LDHC: variants seen among roughly 807,000 people sequenced by gnomAD.
The protein encoded by LDHC is L-lactate dehydrogenase C chain.
Under a neutral mutation model 30.2 loss-of-function variants are expected in LDHC, and 20 were observed. That is an observed-to-expected ratio of 0.66 (90% CI 0.47 to 0.96). The LOEUF is 0.96. Among genes scored for constraint, LDHC ranks in the 40% least tolerant of loss-of-function variants. LDHC has a pLI of 0.00. For missense variants in LDHC, 362 were observed against 394.9 expected, an observed-to-expected ratio of 0.92 and a Z score of 0.71; for synonymous variants, 139 against 132.7, an observed-to-expected ratio of 1.05 and a Z score of -0.32.
At chr11:18,412,915 CA>C in intron 2 of LDHC, 72 bp downstream of exon 2, 1 of 1,462,656 alleles carries the variant, frequency 6.8e-7, no homozygotes, top group Non-Finnish European at 9.3e-7. Context: ...TCGATGTATT[CA>C]GGGTTGCAAG....
rs71047596 is a variant in LDHC at position 18,439,811 on chromosome 11, TAA to T, written c.710+1190_710+1191del. On this transcript the variant is annotated intron_variant, in intron 6 of 7. Transcript: ENST00000541669. ...CCAACATGGTGAAAACCGTCTCTACTAAAAAAAAAAAAAAAAAAAAAAAAACA... is the reference window on the plus strand; with the variant it reads ...CCAACATGGTGAAAACCGTCTCTACTAAAAAAAAAAAAAAAAAAAAAAACA... Among the ~76,000 whole-genome samples, 11 of 64,202 alleles carry T rather than the reference TAA, an allele frequency of 1.7e-4. No homozygotes were observed. The East Asian group carries it at 3.8e-3, about 22-fold the overall frequency. 42.1% of individuals were successfully genotyped at this position (64,202 alleles called of 152,430 possible). A position where few individuals can be genotyped will look rare whatever the true frequency, so the allele number is the denominator to read the frequency against.
At chr11:18,436,916 CA>C (rs1438411889) in intron 5 of LDHC, among the ~76,000 whole-genome samples, 1 of 151,058 alleles carries the variant, frequency 6.6e-6, no homozygotes, top group Non-Finnish European at 1.5e-5. Context: ...TTATATCCCC[CA>C]AACTAGTTAT....
chr11:18,444,490 T>TTGTCATCAAAAGTATTGCATGGCCTCTG, intron 6 of LDHC, among the ~76,000 whole-genome samples: 1 of 151,466 alleles, frequency 6.6e-6, no homozygotes, highest in Non-Finnish European at 1.5e-5. Flanking sequence ...AAAAGTACTT[T>TTGTCATCAAAAGTATTGCATGGCCTCTG]TGTCATCAAA....
chr11:18,432,562 T>C (rs1346744979), intron 4 of LDHC, among the ~76,000 whole-genome samples: 1 of 147,922 alleles, frequency 6.8e-6, no homozygotes, highest in Non-Finnish European at 1.5e-5. Flanking sequence ...CAGCGGAGTA[T>C]TGAAGTCCCC....
At position 18,434,918 on chromosome 11, in the gene LDHC, G is replaced by A; in HGVS notation, c.592+5G>A. ...GAGAACATGGTGATTCTAGTGGTAA[G>A]TATAAATCTATTATTATTACGTGAC... On this transcript the variant is annotated splice_donor_5th_base_variant and intron_variant, in intron 5 of 7. Transcript: ENST00000541669. 6.3e-7 allele frequency: 1 copy of A among 1,596,328 alleles called. No individual in the cohort carries two copies. Among genetic ancestry groups the A allele is most frequent in the Non-Finnish European group, 8.6e-7 (1 of 1,165,270 alleles).
intron 6 of LDHC, among the ~76,000 whole-genome samples, chr11:18,443,005 T>C (rs1010463181): frequency 6.6e-6 from 1 of 152,192 alleles, no homozygotes; most frequent in African/African-American, 2.4e-5. Flanking sequence ...ATCACATCAA[T>C]TGAAAGTTTT....
At position 18,418,573 on chromosome 11, in the gene LDHC, G is replaced by A. The variant is rs139139363; in HGVS notation, c.244+3272G>A. On this transcript the variant is annotated intron_variant, in intron 3 of 7. Coordinates refer to ENST00000541669, the MANE Select transcript of LDHC (RefSeq NM_017448.5). ...GCCTCCCAAGCAGCTGGGATTACAG[G>A]TGCATACCACCATGCCCAGCTAATT... Among the ~76,000 whole-genome samples, 720 of 151,882 alleles carry A rather than the reference G, an allele frequency of 4.7e-3. 3 individuals are homozygous for A. The highest frequency in any genetic ancestry group is 0.02 in the Middle Eastern group (6 of 294).
rs1457467265 is a variant in LDHC, at chr11:18,438,585, A to T, written c.650A>T (p.Lys217Ile). Residue 217 changes from lysine to isoleucine, a missense_variant, in exon 6 of 8, where the codon AAA becomes ATA. Lys to Ile is a moderately radical substitution (Grantham distance 102). Transcript: ENST00000541669. ...GTTGCTCTGAAGACTCTGGACCCTA[A>T]ATTAGGAACGGATTCAGATAAGGAA... ...AGVALKTLDP[K>I]LGTDSDKEHW... 6.2e-7 allele frequency: 1 copy of T among 1,613,374 alleles called. No individual in the cohort carries two copies. Among genetic ancestry groups the T allele is most frequent in the Non-Finnish European group, 8.5e-7 (1 of 1,179,468 alleles).
rs772057285 is a variant in LDHC, at chr11:18,415,323, T to G, written c.244+22T>G. ...AAAGGTTAATTTTAGTTTTATAAAG[T>G]TATTTTCAAAGCTTTTTAAAAAAGT... On this transcript the variant is annotated intron_variant, in intron 3 of 7. Transcript: ENST00000541669. The G allele has an allele frequency of 1.9e-5, 24 of 1,235,804 alleles. No individual in the cohort carries two copies. The South Asian group carries it at 3.0e-4, about 15-fold the overall frequency. The allele number at this position is 1,235,804 out of a possible 1,614,324, so 76.6% of individuals were successfully genotyped here.
In LDHC at chr11:18,424,374, T is replaced by G. The variant is rs532412059; in HGVS notation, c.245-5363T>G. Among the ~76,000 whole-genome samples the G allele has an allele frequency of 2.5e-4, 38 of 149,366 alleles. No homozygotes were observed. In the South Asian group the frequency reaches 7.9e-3, roughly 31 times the overall value. On this transcript the variant is annotated intron_variant, in intron 3 of 7. Transcript: ENST00000541669. ...TCCAGCCTGGGCCATGGAATGAAACTCTGTCTCAAAAAAAAACAAAAAAAC... is the reference window on the plus strand; with the variant it reads ...TCCAGCCTGGGCCATGGAATGAAACGCTGTCTCAAAAAAAAACAAAAAAAC...
At chr11:18,449,988 G>A (rs902610692) in intron 7 of LDHC, 18 of 151,590 alleles carry the variant, frequency 1.2e-4, no homozygotes, top group Admixed American at 9.2e-4. Flanking sequence ...AAAGAGAGGG[G>A]TAAAGAGTGA....
At chr11:18,433,856 G>A (rs535416206) in intron 4 of LDHC, among the ~76,000 whole-genome samples, 23 of 152,198 alleles carry the variant, frequency 1.5e-4, no homozygotes, top group African/African-American at 5.3e-4. Context: ...TAGCAAGGCC[G>A]GGGAATTTTT....
At chr11:18,446,365 C>G (rs1457603863) in intron 7 of LDHC, 32 bp downstream of exon 7, 1 of 1,504,392 alleles carries the variant, frequency 6.6e-7, no homozygotes, top group South Asian at 1.1e-5. Flanking sequence ...ATTTATCATT[C>G]TTTCCTTTAA....
intron 5 of LDHC, among the ~76,000 whole-genome samples, chr11:18,437,394 T>G (rs1230524699): frequency 6.6e-6 from 1 of 152,238 alleles, no homozygotes; most frequent in East Asian, 1.9e-4. Context: ...TTTATACATT[T>G]GAAACCTATT....
intron 3 of LDHC, among the ~76,000 whole-genome samples, chr11:18,421,889 C>T (rs973372575): frequency 3.3e-5 from 5 of 151,826 alleles, no homozygotes; most frequent in Non-Finnish European, 7.4e-5. Flanking sequence ...TTTGGGAGGC[C>T]AACGCGGGCG....
Position 18,438,591 on chromosome 11 carries a change from G to A in LDHC, c.656G>A (p.Gly219Glu). 6.2e-7 allele frequency: 1 copy of A among 1,613,302 alleles called. No individual in the cohort carries two copies. The highest frequency in any genetic ancestry group is 8.5e-7 in the Non-Finnish European group (1 of 1,179,344). Residue 219 changes from glycine to glutamate, a missense_variant, in exon 6 of 8, where the codon GGA becomes GAA. By Grantham distance (98) the Gly-to-Glu change is moderately conservative. Coordinates refer to ENST00000541669, the MANE Select transcript of LDHC (RefSeq NM_017448.5). ...CTGAAGACTCTGGACCCTAAATTAG[G>A]AACGGATTCAGATAAGGAACACTGG... ...VALKTLDPKL[G>E]TDSDKEHWKN...
At chr11:18,436,481 G>GTTT (rs35976847) in intron 5 of LDHC, among the ~76,000 whole-genome samples, 1,285 of 108,016 alleles carry the variant, frequency 0.012, 4 homozygotes, top group Non-Finnish European at 0.016. Flanking sequence ...ATAATACAAA[G>GTTT]TTTTTTTTTT....
intron 3 of LDHC, among the ~76,000 whole-genome samples, chr11:18,416,850 C>T (rs898901264): frequency 2.0e-5 from 3 of 151,508 alleles, no homozygotes; most frequent in Non-Finnish European, 4.4e-5. Context: ...CCTTTCCTCT[C>T]CTCTCCATGT....
chr11:18,424,460 TAC>T (rs1848126679), intron 3 of LDHC, among the ~76,000 whole-genome samples: 1 of 152,130 alleles, frequency 6.6e-6, no homozygotes, highest in Admixed American at 6.6e-5. Context: ...ACCTGGAAAT[TAC>T]ACTTCTAAAT....
Sources: allele counts gnomAD v4.1 joint callset (sites outside exome capture counted in the v4.1 genomes callset), GRCh38; gene constraint gnomAD v4.1.1; transcripts MANE v1.5; gene names NCBI Gene and HGNC (gene_info 2026-07-23, HGNC 2026-07-21).